ADARB1: variants seen among roughly 807,000 people sequenced by gnomAD.
The protein encoded by ADARB1 is adenosine deaminase RNA specific B1.
ADARB1 carries 10 observed loss-of-function variants against 52.4 expected under a neutral mutation model. The ratio of observed to expected loss-of-function variants is 0.19; its 90% confidence interval spans 0.12 to 0.32. The LOEUF (loss-of-function observed/expected upper bound fraction) is 0.32. Among genes scored for constraint, ADARB1 ranks in the 10% least tolerant of loss-of-function variants. The probability of loss-of-function intolerance (pLI) is 1.00; values close to 1 mark genes in which losing one functional copy is unlikely to be tolerated. For missense variants in ADARB1, 643 were observed against 922.3 expected, an observed-to-expected ratio of 0.70 and a Z score of 3.92; for synonymous variants, 349 against 371.1, an observed-to-expected ratio of 0.94 and a Z score of 0.68.
At chr21:45,148,580 G>T (rs1278165192) in intron 2 of ADARB1, among the ~76,000 whole-genome samples, 2 of 152,226 alleles carry the variant, frequency 1.3e-5, no homozygotes, top group East Asian at 3.9e-4. Flanking sequence ...CCCGCCCACA[G>T]GGGAAGCTTG....
intron 1 of ADARB1, chr21:45,100,733 G>C (rs1327377659): frequency 6.6e-6 from 1 of 152,542 alleles, no homozygotes; most frequent in African/African-American, 2.4e-5. Flanking sequence ...GAATGGAGGC[G>C]GGCGGCTGTC....
chr21:45,196,624 C>G (rs937682157), intron 8 of ADARB1, among the ~76,000 whole-genome samples: 1 of 152,164 alleles, frequency 6.6e-6, no homozygotes, highest in Non-Finnish European at 1.5e-5. Flanking sequence ...TCCACTGTTA[C>G]TCTCAAAACG....
At chr21:45,174,682 A>AATACATAC (rs59024130) in intron 3 of ADARB1, among the ~76,000 whole-genome samples, 1,873 of 148,822 alleles carry the variant, frequency 0.013, 17 homozygotes, top group Middle Eastern at 0.021. Context: ...CAGTCTCAAA[A>AATACATAC]ATACATACAT....
intron 1 of ADARB1, among the ~76,000 whole-genome samples, chr21:45,107,342 A>C (rs1347972374): frequency 6.6e-6 from 1 of 152,362 alleles, no homozygotes; most frequent in Non-Finnish European, 1.5e-5. Flanking sequence ...AAAAAGACTC[A>C]GCTTTTTTTT....
At chr21:45,160,992 A>G (rs1354450111) in intron 2 of ADARB1, among the ~76,000 whole-genome samples, 1 of 152,260 alleles carries the variant, frequency 6.6e-6, no homozygotes, top group Admixed American at 6.5e-5. Flanking sequence ...TCTGCTTTAT[A>G]GGATTTATAC....
chr21:45,204,785 AT>A lies in ADARB1; in HGVS notation c.1747+50del. The stretch of plus-strand genomic sequence containing the variant: ...ATTTAATCTCTGTCTTGATTTTGCA[AT>A]GTTTTCATCCTCATGAATGAAAAAA... On this transcript the variant is annotated intron_variant, in intron 9 of 10. Transcript: ENST00000348831. The surrounding 1 kb of genome is among the most constrained non-coding windows in gnomAD (Gnocchi z 4.4). 6.3e-7 allele frequency: 1 copy of A among 1,584,028 alleles called. No individual in the cohort carries two copies. The highest frequency in any genetic ancestry group is 1.1e-5 in the South Asian group (1 of 88,230).
At chr21:45,105,154 G>A (rs1038139464) in intron 1 of ADARB1, among the ~76,000 whole-genome samples, 2 of 152,160 alleles carry the variant, frequency 1.3e-5, no homozygotes, top group Non-Finnish European at 2.9e-5. Flanking sequence ...AGGCTGGAGA[G>A]CAGTGGCATG....
chr21:45,174,622 G>C lies in ADARB1; in HGVS notation c.29-1108G>C, dbSNP rs558738413. 2.4e-3 allele frequency among the ~76,000 whole-genome samples: 364 copies of C among 152,202 alleles called. 1 individual carries two copies. The highest frequency in any genetic ancestry group is 8.3e-3 in the African/African-American group (345 of 41,522). ...GGAGGCTGAGGCAGGAGAATCACTT[G>C]AACCCGGGAGGTGGAGGTTGCAGTG... On this transcript the variant is annotated intron_variant, in intron 3 of 10. Transcript: ENST00000348831.
At chr21:45,154,748 T>A (rs2145972252) in intron 2 of ADARB1, among the ~76,000 whole-genome samples, 1 of 152,300 alleles carries the variant, frequency 6.6e-6, no homozygotes. Context: ...TAAAGAATAA[T>A]GTACCATTTA....
At chr21:45,198,510 CACACACACACAT>C (rs2146310594) in intron 8 of ADARB1, among the ~76,000 whole-genome samples, 2 of 151,604 alleles carry the variant, frequency 1.3e-5, no homozygotes, top group African/African-American at 4.9e-5. Flanking sequence ...CACACACACA[CACACACACACAT>C]ACACACACAC....
intron 2 of ADARB1, among the ~76,000 whole-genome samples, chr21:45,134,045 T>A (rs1433564920): frequency 1.2e-5 from 1 of 83,150 alleles, no homozygotes; most frequent in Non-Finnish European, 2.4e-5. Flanking sequence ...GCCCGATGGG[T>A]GTGTGTGCCC....
At chr21:45,076,767 TC>T (rs2085953664) in intron 1 of ADARB1, among the ~76,000 whole-genome samples, 1 of 152,234 alleles carries the variant, frequency 6.6e-6, no homozygotes, top group African/African-American at 2.4e-5. Flanking sequence ...TTTTTTAACT[TC>T]TATTTGTCCA....
At chr21:45,215,292 C>T (rs1244860666) in intron 9 of ADARB1, among the ~76,000 whole-genome samples, 2 of 152,122 alleles carry the variant, frequency 1.3e-5, no homozygotes, top group Admixed American at 6.5e-5. Flanking sequence ...AAGCAACCCG[C>T]CTGCCTCAGT....
intron 2 of ADARB1, among the ~76,000 whole-genome samples, chr21:45,136,722 C>G (rs983723681): frequency 6.6e-6 from 1 of 152,256 alleles, no homozygotes; most frequent in Non-Finnish European, 1.5e-5. Context: ...AGGAGGCACC[C>G]TGCCGCTCTC....
chr21:45,200,030 G>A lies in ADARB1; in HGVS notation c.1566-4525G>A, dbSNP rs1309050790. The stretch of plus-strand genomic sequence containing the variant: ...TGGGCCAAGAAATAGCAAATGGCCA[G>A]AAAAGTTGCCCGGAAAGAGCCCTGG... On this transcript the variant is annotated intron_variant, in intron 8 of 10. Transcript: ENST00000348831. The surrounding 1 kb of genome is among the most constrained non-coding windows in gnomAD (Gnocchi z 5.0). Among the ~76,000 whole-genome samples, 1 of 152,230 alleles carries A rather than the reference G, an allele frequency of 6.6e-6. No individual in the cohort carries two copies. The highest frequency in any genetic ancestry group is 1.5e-5 in the Non-Finnish European group (1 of 68,038).
At chr21:45,104,345 T>G (rs2087155394) in intron 1 of ADARB1, among the ~76,000 whole-genome samples, 1 of 152,150 alleles carries the variant, frequency 6.6e-6, no homozygotes, top group South Asian at 2.1e-4. Context: ...CAGTGGAGGC[T>G]GTAAAGGAGC....
At chr21:45,164,206 G>C (rs985725173) in intron 2 of ADARB1, among the ~76,000 whole-genome samples, 6 of 152,150 alleles carry the variant, frequency 3.9e-5, no homozygotes, top group African/African-American at 1.4e-4. Context: ...TCAGAGGATT[G>C]GTTTATTTTT....
intron 2 of ADARB1, among the ~76,000 whole-genome samples, chr21:45,159,207 G>A (rs1011434167): frequency 6.6e-6 from 1 of 152,152 alleles, no homozygotes; most frequent in African/African-American, 2.4e-5. Flanking sequence ...AGATGAAGGA[G>A]GAACAAAGGG....
rs2123574354 is a variant in ADARB1 at position 45,074,703 on chromosome 21, C to G, written c.-310C>G. The G allele has an allele frequency of 6.8e-6, 1 of 146,200 alleles. No individual in the cohort carries two copies. Among genetic ancestry groups the G allele is most frequent in the South Asian group, 1.9e-4 (1 of 5,232 alleles). The allele number at this position is 146,200 out of a possible 1,614,324, so 9.1% of individuals were successfully genotyped here. On this transcript the variant is annotated 5_prime_UTR_variant, in exon 1 of 11. Coordinates refer to ENST00000348831, the MANE Select transcript of ADARB1 (RefSeq NM_001112.4). ...GGCCACGCCGCGCCGCTGCGCACAACCAACGAGGCAGAGCGCCGCCCGGCG... is the reference window on the plus strand; with the variant it reads ...GGCCACGCCGCGCCGCTGCGCACAAGCAACGAGGCAGAGCGCCGCCCGGCG...
Sources: allele counts gnomAD v4.1 joint callset (sites outside exome capture counted in the v4.1 genomes callset), GRCh38; gene constraint gnomAD v4.1.1; non-coding constraint Gnocchi (gnomAD v3.1); transcripts MANE v1.5; gene names NCBI Gene and HGNC (gene_info 2026-07-23, HGNC 2026-07-21).